The following DNMT3A variants were observed in gnomAD, a reference collection of about 807,000 sequenced individuals.
DNMT3A encodes DNA methyltransferase 3 alpha, also known as DNA (cytosine-5)-methyltransferase 3A.
A neutral mutation model predicts 117.6 loss-of-function variants in DNMT3A; 267 were observed. The ratio of observed to expected loss-of-function variants is 2.27; its 90% CI spans 2.05 to 2.51. DNMT3A has a LOEUF of 2.51. Among genes scored for constraint, DNMT3A ranks in the 30% most tolerant of loss-of-function variants. DNMT3A has a pLI of 0.00. For missense variants in DNMT3A, 1,029 were observed against 1,260.2 expected, an observed-to-expected ratio of 0.82 and a Z score of 2.78; for synonymous variants, 432 against 474.8, an observed-to-expected ratio of 0.91 and a Z score of 1.17.
chr2:25,300,712 A>AAT (rs3039391), intron 2 of DNMT3A, among the ~76,000 whole-genome samples: 28 of 18,896 alleles, frequency 1.5e-3, no homozygotes, highest in East Asian at 9.7e-3. Flanking sequence ...TAAATAATAT[A>AAT]ATATATATAT....
At chr2:25,331,296 G>A (rs1312708463) in intron 1 of DNMT3A, among the ~76,000 whole-genome samples, 1 of 152,178 alleles carries the variant, frequency 6.6e-6, no homozygotes, top group African/African-American at 2.4e-5. Context: ...CATGGCTCAC[G>A]TCATTTTTTG....
intron 1 of DNMT3A, among the ~76,000 whole-genome samples, chr2:25,331,549 G>A (rs1055534330): frequency 2.0e-5 from 3 of 152,172 alleles, no homozygotes; most frequent in East Asian, 1.9e-4. Context: ...GATGCTCGCC[G>A]CAGGTCCTGG....
intron 6 of DNMT3A, among the ~76,000 whole-genome samples, chr2:25,255,940 C>T (rs1157382229): frequency 6.6e-6 from 1 of 152,156 alleles, no homozygotes; most frequent in African/African-American, 2.4e-5. Context: ...AAGTTCAGTG[C>T]TCTGTGGCAT....
At position 25,232,553 on chromosome 2, in the gene DNMT3A, AGAG is replaced by A. The variant is rs1251019634; in HGVS notation, c.*1723_*1725del. 3.3e-5 allele frequency: 5 copies of A among 152,716 alleles called. No individual in the cohort carries two copies. The East Asian group carries it at 9.5e-4, about 29-fold the overall frequency. The allele number at this position is 152,716 out of a possible 1,614,324, so 9.5% of individuals were successfully genotyped here. On this transcript the variant is annotated 3_prime_UTR_variant, in exon 23 of 23. Coordinates refer to ENST00000321117, the MANE Select transcript of DNMT3A (RefSeq NM_022552.5). The surrounding 1 kb of genome is among the most constrained non-coding windows in gnomAD (Gnocchi z 4.1). The stretch of plus-strand genomic sequence containing the variant: ...CTCCAGCCCTGACACACCCGACTCA[AGAG>A]GAGGGGAAGTAGAAGAGAAGAGTGA...
intron 1 of DNMT3A, among the ~76,000 whole-genome samples, chr2:25,335,931 G>C: frequency 6.6e-6 from 1 of 151,508 alleles, no homozygotes; most frequent in African/African-American, 2.4e-5. Flanking sequence ...AGTAGGACAG[G>C]AGTAGGCAAC....
intron 14 of DNMT3A, 82 bp downstream of exon 14, chr2:25,244,458 G>A: frequency 3.2e-6 from 5 of 1,584,792 alleles, no homozygotes; most frequent in South Asian, 1.1e-5. Flanking sequence ...GGGTCTGTGG[G>A]GAAGGGAGAG....
At position 25,292,275 on chromosome 2, in the gene DNMT3A, G is replaced by A. The variant is rs566728239; in HGVS notation, c.177+7864C>T. On this transcript the variant is annotated intron_variant, in intron 3 of 22. Coordinates refer to ENST00000321117, the MANE Select transcript of DNMT3A (RefSeq NM_022552.5). Reference sequence around the variant, plus strand: ...TGAGACAGGAGAATTGTTTGAACCCGGGAGGCAAAGGTTGCAGTGAGCCGA... The same window carrying A: ...TGAGACAGGAGAATTGTTTGAACCCAGGAGGCAAAGGTTGCAGTGAGCCGA... Among the ~76,000 whole-genome samples the A allele has an allele frequency of 1.1e-4, 16 of 152,170 alleles. No homozygotes were observed. The South Asian group carries it at 1.5e-3, about 14-fold the overall frequency.
chr2:25,341,414 G>A (rs984090785), intron 1 of DNMT3A, among the ~76,000 whole-genome samples: 3 of 145,652 alleles, frequency 2.1e-5, no homozygotes, highest in Non-Finnish European at 4.6e-5. Flanking sequence ...GCAGAGCCCG[G>A]AAGGCGGGGG....
rs557103780 is a variant in DNMT3A, at chr2:25,311,978, C to T, written c.72+1935G>A. 2.0e-5 allele frequency among the ~76,000 whole-genome samples: 3 copies of T among 152,244 alleles called. No individual in the cohort carries two copies. The highest frequency in any genetic ancestry group is 7.2e-5 in the African/African-American group (3 of 41,554). On this transcript the variant is annotated intron_variant, in intron 2 of 22. Coordinates refer to ENST00000321117, the MANE Select transcript of DNMT3A (RefSeq NM_022552.5). This position sits in a 1 kb window ranked among gnomAD's most constrained non-coding sequence, Gnocchi z 5.2. ...GCTCCGCAGCCCAGAGCAGCAGCAG[C>T]GGCGTGGGAGTACAGTCCAGTAACA...
chr2:25,250,010 G>A (rs989570028), intron 6 of DNMT3A, among the ~76,000 whole-genome samples: 1 of 152,194 alleles, frequency 6.6e-6, no homozygotes, highest in Non-Finnish European at 1.5e-5. Context: ...TCCTGTCGGA[G>A]CCTCACAACC....
Position 25,296,123 on chromosome 2 carries a change from T to A in DNMT3A, c.177+4016A>T, listed in dbSNP as rs1247327130. Among the ~76,000 whole-genome samples the A allele has an allele frequency of 6.6e-6, 1 of 152,248 alleles. No homozygotes were observed. The highest frequency in any genetic ancestry group is 2.4e-5 in the African/African-American group (1 of 41,456). ...GTACCGACAGGTGACAACAAATGCTTCTCAAAGTGAGGTCTGCAGACCACT... is the reference window on the plus strand; with the variant it reads ...GTACCGACAGGTGACAACAAATGCTACTCAAAGTGAGGTCTGCAGACCACT... On this transcript the variant is annotated intron_variant, in intron 3 of 22. Transcript: ENST00000321117. This position sits in a 1 kb window ranked among gnomAD's most constrained non-coding sequence, Gnocchi z 4.2.
Position 25,293,930 on chromosome 2 carries a change from C to CAAAGTGGT in DNMT3A, c.177+6201_177+6208dup. Among the ~76,000 whole-genome samples, 1 of 152,340 alleles carries CAAAGTGGT rather than the reference C, an allele frequency of 6.6e-6. No individual in the cohort carries two copies. Among genetic ancestry groups the CAAAGTGGT allele is most frequent in the East Asian group, 1.9e-4 (1 of 5,190 alleles). The stretch of plus-strand genomic sequence containing the variant: ...AAGTGATCCACCTGCCTCAGCCTCT[C>CAAAGTGGT]AAAGTGGTGGGATTACAGGTGTGAG... On this transcript the variant is annotated intron_variant, in intron 3 of 22. Transcript: ENST00000321117. This position sits in a 1 kb window ranked among gnomAD's most constrained non-coding sequence, Gnocchi z 4.7.
Position 25,298,738 on chromosome 2 carries a change from G to A in DNMT3A, c.177+1401C>T, listed in dbSNP as rs920944501. Among the ~76,000 whole-genome samples, 8 of 152,262 alleles carry A rather than the reference G, an allele frequency of 5.3e-5. No individual in the cohort carries two copies. The highest frequency in any genetic ancestry group is 2.1e-4 in the South Asian group (1 of 4,824). Reference sequence around the variant, plus strand: ...GCCCCGTGTTATTTTTCAACATCACGTGAATTTTTCATTCCAGAATGAATT... The same window carrying A: ...GCCCCGTGTTATTTTTCAACATCACATGAATTTTTCATTCCAGAATGAATT... On this transcript the variant is annotated intron_variant, in intron 3 of 22. Coordinates refer to ENST00000321117, the MANE Select transcript of DNMT3A (RefSeq NM_022552.5). The surrounding 1 kb of genome is among the most constrained non-coding windows in gnomAD (Gnocchi z 4.3).
rs890224830 is a variant in DNMT3A, at chr2:25,230,103, C to T, written c.*4176G>A. 6.6e-6 allele frequency: 1 copy of T among 152,240 alleles called. No homozygotes were observed. Among genetic ancestry groups the T allele is most frequent in the Non-Finnish European group, 1.5e-5 (1 of 68,058 alleles). The allele number at this position is 152,240 out of a possible 1,614,324, so 9.4% of individuals were successfully genotyped here. On this transcript the variant is annotated 3_prime_UTR_variant, in exon 23 of 23. Coordinates refer to ENST00000321117, the MANE Select transcript of DNMT3A (RefSeq NM_022552.5). ...AGGCCTGTTTCAAAAGCTAACAGGT[C>T]CCGGGTGCTCTCTTGGAAAGTTTGC...
At chr2:25,248,357 A>G in intron 6 of DNMT3A, 105 bp from the exon 7 acceptor site, 1 of 1,314,808 alleles carries the variant, frequency 7.6e-7, no homozygotes, top group Non-Finnish European at 1.0e-6. Context: ...ACAGTGACAG[A>G]AGGTCAAGGG....
rs1382567107 is a variant in DNMT3A at position 25,236,996 on chromosome 2, T to C, written c.2418A>G (p.Ala806=). ...GCTCCAGCTTATCATTCACAGTGGA[T>C]GCCAACGGCCTAGGAGGCAGAAGAG... is the stretch of plus-strand genomic sequence containing the variant. ...GNLPGMNRPL[A]STVNDKLELQ... Residue 806 remains alanine, a synonymous_variant, in exon 21 of 23, where the codon GCA becomes GCG. Transcript: ENST00000321117. This position sits in a 1 kb window ranked among gnomAD's most constrained non-coding sequence, Gnocchi z 4.5. 1 of 1,613,686 alleles carries C rather than the reference T, an allele frequency of 6.2e-7. No individual in the cohort carries two copies. The highest frequency in any genetic ancestry group is 8.5e-7 in the Non-Finnish European group (1 of 1,179,948).
At position 25,237,574 on chromosome 2, in the gene DNMT3A, C is replaced by T. The variant is rs765478096; in HGVS notation, c.2409-569G>A. 2.6e-5 allele frequency among the ~76,000 whole-genome samples: 4 copies of T among 152,116 alleles called. No individual in the cohort carries two copies. The highest frequency in any genetic ancestry group is 4.8e-5 in the African/African-American group (2 of 41,406). The stretch of plus-strand genomic sequence containing the variant: ...CCTGAGGTCAGGAGTTTGAGTCCAT[C>T]CTGATCAACATGGTGAAACCCGGTC... On this transcript the variant is annotated intron_variant, in intron 20 of 22. Transcript: ENST00000321117. The surrounding 1 kb of genome is among the most constrained non-coding windows in gnomAD (Gnocchi z 5.4).
Position 25,244,044 on chromosome 2 carries a change from G to A in DNMT3A, c.1852-62C>T, listed in dbSNP as rs967073948. On this transcript the variant is annotated intron_variant, in intron 15 of 22. Transcript: ENST00000321117. Reference sequence around the variant, plus strand: ...GCGGTGTCCCAAGCTCCCACCCAGCGCTGGCCCTCCAGCCAGGCTCCTAGA... The same window carrying A: ...GCGGTGTCCCAAGCTCCCACCCAGCACTGGCCCTCCAGCCAGGCTCCTAGA... 1.2e-4 allele frequency: 181 copies of A among 1,567,044 alleles called. 2 individuals are homozygous for A. Among genetic ancestry groups the A allele is most frequent in the Admixed American group, 1.8e-4 (10 of 54,652 alleles).
At chr2:25,335,544 A>T (rs902027902) in intron 1 of DNMT3A, among the ~76,000 whole-genome samples, 4 of 152,214 alleles carry the variant, frequency 2.6e-5, no homozygotes, top group Non-Finnish European at 5.9e-5. Flanking sequence ...ATCTCTAAGC[A>T]TCTTTTTACC....
Sources: allele counts gnomAD v4.1 joint callset (sites outside exome capture counted in the v4.1 genomes callset), GRCh38; gene constraint gnomAD v4.1.1; non-coding constraint Gnocchi (gnomAD v3.1); transcripts MANE v1.5; gene names NCBI Gene and HGNC (gene_info 2026-07-23, HGNC 2026-07-21).